Variants in PDE1C observed in about 807,000 individuals in gnomAD.
PDE1C encodes dual specificity calcium/calmodulin-dependent 3',5'-cyclic nucleotide phosphodiesterase 1C.
A neutral mutation model predicts 93.1 loss-of-function variants in PDE1C; 62 were observed. The observed-to-expected ratio is 0.67, with a 90% CI of 0.54 to 0.82. The LOEUF is 0.82. Among genes scored for constraint, PDE1C ranks in the 40% least tolerant of loss-of-function variants. The probability of loss-of-function intolerance (pLI) is 0.00; values close to 1 mark genes in which losing one functional copy is unlikely to be tolerated. For synonymous variants in PDE1C, 325 were observed against 310.1 expected (o/e 1.05, Z -0.50); for missense variants, 742 against 884.6 (o/e 0.84, Z 2.04).
At chr7:31,643,690 C>T in the PDE1C span, 3 of 1,614,072 alleles carry the variant, frequency 1.9e-6, no homozygotes, top group African/African-American at 2.7e-5. Flanking sequence ...GACCTTGACA[C>T]ATGGGCCCCA....
intron 1 of PDE1C, among the ~76,000 whole-genome samples, chr7:32,327,294 G>A (rs1050187596): frequency 1.3e-5 from 2 of 152,040 alleles, no homozygotes; most frequent in Non-Finnish European, 2.9e-5. Flanking sequence ...TCCCCAAATC[G>A]TAAGTATACA....
intron 2 of PDE1C, among the ~76,000 whole-genome samples, chr7:31,961,547 G>C (rs1405404286): frequency 1.3e-5 from 2 of 152,054 alleles, no homozygotes; most frequent in Non-Finnish European, 2.9e-5. Flanking sequence ...CCATTTGACA[G>C]ATAAGAACAC....
chr7:32,042,295 A>G (rs1268976690), intron 2 of PDE1C, among the ~76,000 whole-genome samples: 1 of 152,182 alleles, frequency 6.6e-6, no homozygotes, highest in Non-Finnish European at 1.5e-5. Flanking sequence ...GAAAGACTCC[A>G]TTAAAAACAA....
intron 2 of PDE1C, among the ~76,000 whole-genome samples, chr7:32,181,517 A>G (rs1202969745): frequency 6.6e-6 from 1 of 152,228 alleles, no homozygotes; most frequent in Non-Finnish European, 1.5e-5. Context: ...GCTCACCTAC[A>G]TGGAAACTGA....
the PDE1C span, among the ~76,000 whole-genome samples, chr7:31,633,331 A>G: frequency 1.3e-5 from 2 of 152,176 alleles, no homozygotes; most frequent in Admixed American, 1.3e-4. Context: ...GGTGGCCAAT[A>G]CAAAGACGAA....
intron 2 of PDE1C, among the ~76,000 whole-genome samples, chr7:31,972,635 G>C (rs1261009145): frequency 6.6e-6 from 1 of 152,068 alleles, no homozygotes; most frequent in African/African-American, 2.4e-5. Flanking sequence ...CCAAACCCTG[G>C]ATATAACACA....
At chr7:32,161,155 A>G (rs1463058751) in intron 3 of PDE1C, among the ~76,000 whole-genome samples, 2 of 152,196 alleles carry the variant, frequency 1.3e-5, no homozygotes, top group Non-Finnish European at 2.9e-5. Context: ...AGCATCTATG[A>G]TATACCAGGC....
chr7:32,038,211 G>T (rs1249396762), intron 2 of PDE1C, among the ~76,000 whole-genome samples: 1 of 152,066 alleles, frequency 6.6e-6, no homozygotes, highest in Non-Finnish European at 1.5e-5. Context: ...TGCAAGTTTT[G>T]CCTTCACAGC....
At chr7:31,844,413 T>C (rs1235789766) in intron 9 of PDE1C, among the ~76,000 whole-genome samples, 1 of 151,802 alleles carries the variant, frequency 6.6e-6, no homozygotes, top group Non-Finnish European at 1.5e-5. Flanking sequence ...TTGAAGTTCA[T>C]GTTCACAGGA....
chr7:32,339,784 T>G (rs1353699965), intron 1 of PDE1C, among the ~76,000 whole-genome samples: 2 of 151,898 alleles, frequency 1.3e-5, no homozygotes, highest in African/African-American at 2.4e-5. Context: ...GAGGAGGGGA[T>G]GGGGTCAAGG....
At chr7:31,693,995 C>G in the PDE1C span, among the ~76,000 whole-genome samples, 10 of 152,160 alleles carry the variant, frequency 6.6e-5, no homozygotes, top group African/African-American at 2.4e-4. Flanking sequence ...TCTTTGAATC[C>G]TAACGGAATA....
the PDE1C span, among the ~76,000 whole-genome samples, chr7:31,736,301 G>A: frequency 6.6e-6 from 1 of 152,164 alleles, no homozygotes. Flanking sequence ...ACTGGCTGTG[G>A]GCTTGATTTT....
intron 4 of PDE1C, 51 bp downstream of exon 4, chr7:31,878,945 G>C: frequency 6.5e-7 from 1 of 1,529,012 alleles, no homozygotes; most frequent in East Asian, 2.3e-5. Context: ...TATTGGAAAC[G>C]TGTTGCTTTG....
chr7:31,727,453 T>C, the PDE1C span, among the ~76,000 whole-genome samples: 2 of 152,242 alleles, frequency 1.3e-5, no homozygotes, highest in Non-Finnish European at 2.9e-5. Flanking sequence ...AGGTTCTCCA[T>C]TTTGTAAATA....
the PDE1C span, among the ~76,000 whole-genome samples, chr7:31,677,993 A>G: frequency 6.6e-6 from 1 of 152,160 alleles, no homozygotes; most frequent in Non-Finnish European, 1.5e-5. Context: ...ATAAATAAAA[A>G]CTAGTTTGAA....
At chr7:31,793,471 C>T (rs960833960) in intron 16 of PDE1C, among the ~76,000 whole-genome samples, 2 of 151,954 alleles carry the variant, frequency 1.3e-5, no homozygotes, top group Non-Finnish European at 2.9e-5. Context: ...GGTTCAAAAC[C>T]AGATTTTCAG....
chr7:32,343,939 C>T (rs215677), intron 1 of PDE1C, among the ~76,000 whole-genome samples: 123,269 of 152,250 alleles, frequency 0.81, 50,278 homozygotes, highest in Admixed American at 0.85. Context: ...TGTAATTTAA[C>T]GACATGCTGA....
chr7:32,212,951 G>C (rs1045104788), intron 1 of PDE1C, among the ~76,000 whole-genome samples: 1 of 152,178 alleles, frequency 6.6e-6, no homozygotes, highest in African/African-American at 2.4e-5. Flanking sequence ...CAAGCTCCCA[G>C]GTGATATGGT....
chr7:31,740,169 C>G, the PDE1C span, among the ~76,000 whole-genome samples: 1 of 151,956 alleles, frequency 6.6e-6, no homozygotes, highest in Non-Finnish European at 1.5e-5. Flanking sequence ...TTTGAGCTGC[C>G]CTCATGGGAT....
Sources: allele counts gnomAD v4.1 joint callset (sites outside exome capture counted in the v4.1 genomes callset), GRCh38; gene constraint gnomAD v4.1.1; transcripts MANE v1.5; gene names NCBI Gene and HGNC (gene_info 2026-07-23, HGNC 2026-07-21).